GRIK4: variants seen among roughly 807,000 people sequenced by gnomAD.
The protein encoded by GRIK4 is glutamate ionotropic receptor kainate type subunit 4.
A neutral mutation model predicts 104.9 loss-of-function variants in GRIK4; 40 were observed. That is an observed-to-expected ratio of 0.38 (90% confidence interval 0.30 to 0.50). The LOEUF is 0.50. Ranked by LOEUF, GRIK4 falls within the 20% of genes least tolerant of loss-of-function variation. The probability of loss-of-function intolerance (pLI) is 0.93; values close to 1 mark genes in which losing one functional copy is unlikely to be tolerated. For missense variants in GRIK4, 1,047 were observed against 1,308.1 expected (o/e 0.80, Z 3.08); for synonymous variants, 485 against 524.9 (o/e 0.92, Z 1.04).
At chr11:120,573,511 T>A (rs969769232) in intron 1 of GRIK4, among the ~76,000 whole-genome samples, 26 of 152,250 alleles carry the variant, frequency 1.7e-4, no homozygotes, top group Non-Finnish European at 3.4e-4. Flanking sequence ...TCCTTAGCTC[T>A]AGCTTGTGGG....
Position 120,845,200 on chromosome 11 carries a change from G to C in GRIK4, c.744+8356G>C, listed in dbSNP as rs547912919. Among the ~76,000 whole-genome samples the C allele has an allele frequency of 2.0e-5, 3 of 152,302 alleles. No individual in the cohort carries two copies. In the East Asian group the frequency reaches 5.8e-4, roughly 29 times the overall value. ...ATGTTGACACTGAGAATAGAGAAAGGGTTTAATGGAAGCTGCCAGGGCCTC... is the reference window on the plus strand; with the variant it reads ...ATGTTGACACTGAGAATAGAGAAAGCGTTTAATGGAAGCTGCCAGGGCCTC... On this transcript the variant is annotated intron_variant, in intron 8 of 20. Transcript: ENST00000527524.
chr11:120,847,982 A>G (rs535507731), intron 8 of GRIK4, among the ~76,000 whole-genome samples: 44 of 152,350 alleles, frequency 2.9e-4, no homozygotes, highest in African/African-American at 9.9e-4. Context: ...AGTCCTAAAG[A>G]TGGCATAGCC....
At chr11:120,748,196 T>C (rs923308564) in intron 3 of GRIK4, among the ~76,000 whole-genome samples, 2 of 151,872 alleles carry the variant, frequency 1.3e-5, no homozygotes. Flanking sequence ...AACCCTCCTC[T>C]CTCCCTGCGT....
chr11:120,976,342 A>G (rs990994993), intron 19 of GRIK4, among the ~76,000 whole-genome samples: 3 of 152,178 alleles, frequency 2.0e-5, no homozygotes, highest in African/African-American at 7.2e-5. Context: ...TTCTCTCCAG[A>G]ATGTGCTAGG....
intron 19 of GRIK4, 93 bp from the exon 20 acceptor site, chr11:120,982,013 G>A (rs1441365494): frequency 3.4e-6 from 3 of 878,260 alleles, no homozygotes; most frequent in African/African-American, 1.7e-5. Context: ...CCATACTCAA[G>A]TTCTTGTTTG....
chr11:120,771,270 A>T (rs1222870517), intron 3 of GRIK4, among the ~76,000 whole-genome samples: 2 of 152,188 alleles, frequency 1.3e-5, no homozygotes, highest in African/African-American at 2.4e-5. Context: ...ATCCCAATGA[A>T]ATTTCAGGCA....
rs530267740 is a variant in GRIK4 at position 120,830,251 on chromosome 11, CACG to C, written c.512-1600_512-1598del. Among the ~76,000 whole-genome samples, 112 of 151,872 alleles carry C rather than the reference CACG, an allele frequency of 7.4e-4. 3 individuals carry two copies. The highest frequency in any genetic ancestry group is 2.5e-3 in the African/African-American group (105 of 41,374). ...AGCTTCCCTCTCCTAATCCCTGAGA[CACG>C]TGTCTCTGGACCTTCCCAGGCACTG... On this transcript the variant is annotated intron_variant, in intron 6 of 20. Coordinates refer to ENST00000527524, the MANE Select transcript of GRIK4 (RefSeq NM_014619.5).
rs1415511129 is a variant in GRIK4, at chr11:120,801,619, A to C, written c.83-1074A>C. Reference sequence around the variant, plus strand: ...TTGAGTAATATTCCATTGTATGGGTAAACCACATTTTTTTATCTATCAATC... The same window carrying C: ...TTGAGTAATATTCCATTGTATGGGTCAACCACATTTTTTTATCTATCAATC... On this transcript the variant is annotated intron_variant, in intron 3 of 20. Transcript: ENST00000527524. 4.6e-5 allele frequency among the ~76,000 whole-genome samples: 7 copies of C among 152,338 alleles called. No homozygotes were observed. In the East Asian group the frequency reaches 1.3e-3, roughly 29 times the overall value.
chr11:120,679,331 T>G (rs1018067355), intron 3 of GRIK4, among the ~76,000 whole-genome samples: 2 of 152,124 alleles, frequency 1.3e-5, no homozygotes, highest in African/African-American at 2.4e-5. Flanking sequence ...TGGTTAAGCT[T>G]AACTTTTTGA....
At chr11:120,611,452 G>A (rs756255645) in intron 1 of GRIK4, among the ~76,000 whole-genome samples, 1 of 152,222 alleles carries the variant, frequency 6.6e-6, no homozygotes, top group African/African-American at 2.4e-5. Flanking sequence ...ACGTGTGTGT[G>A]TGAAATACCA....
chr11:120,736,517 G>T (rs1008089188), intron 3 of GRIK4, among the ~76,000 whole-genome samples: 2 of 152,086 alleles, frequency 1.3e-5, no homozygotes, highest in African/African-American at 4.8e-5. Context: ...CACTGTTTTG[G>T]TAATCATAAT....
chr11:120,773,744 C>T (rs1951989166), intron 3 of GRIK4, among the ~76,000 whole-genome samples: 1 of 152,134 alleles, frequency 6.6e-6, no homozygotes, highest in South Asian at 2.1e-4. Flanking sequence ...ATAAACTGGG[C>T]TCTGAGTTAG....
chr11:120,622,693 A>C (rs969549002), intron 1 of GRIK4, among the ~76,000 whole-genome samples: 1 of 152,208 alleles, frequency 6.6e-6, no homozygotes, highest in African/African-American at 2.4e-5. Flanking sequence ...ACAATTCTGG[A>C]GGCCAGAAGT....
chr11:120,808,380 T>C (rs1047899318), intron 4 of GRIK4, among the ~76,000 whole-genome samples: 5 of 152,230 alleles, frequency 3.3e-5, no homozygotes, highest in Non-Finnish European at 5.9e-5. Flanking sequence ...ATTCATATAG[T>C]GACTCCTCCC....
In GRIK4 at chr11:120,550,000, A is replaced by C. The variant is rs1215132510; in HGVS notation, c.-159+38113A>C. On this transcript the variant is annotated intron_variant, in intron 1 of 20. Coordinates refer to ENST00000527524, the MANE Select transcript of GRIK4 (RefSeq NM_014619.5). This position sits in a 1 kb window ranked among gnomAD's most constrained non-coding sequence, Gnocchi z 4.7. ...TTGCAAGGGGTTTGGTTCTAAGTGC[A>C]ATGAAAAGCCATTAAAGGAATTTGA... Among the ~76,000 whole-genome samples the C allele has an allele frequency of 6.6e-6, 1 of 152,162 alleles. No homozygotes were observed. The highest frequency in any genetic ancestry group is 2.4e-5 in the African/African-American group (1 of 41,422).
chr11:120,944,424 T>C (rs181053289), intron 14 of GRIK4, among the ~76,000 whole-genome samples: 2 of 152,262 alleles, frequency 1.3e-5, no homozygotes, highest in Admixed American at 1.3e-4. Flanking sequence ...CCAAAAACTG[T>C]GTCACAAGCT....
chr11:120,864,205 T>TTTTTTTTA (rs1555080802), intron 9 of GRIK4, among the ~76,000 whole-genome samples: 5 of 137,720 alleles, frequency 3.6e-5, no homozygotes, highest in African/African-American at 1.3e-4. Context: ...GTATTTTTAT[T>TTTTTTTTA]TTTATTTATT....
chr11:120,656,063 G>C (rs1949705914), intron 2 of GRIK4, among the ~76,000 whole-genome samples: 1 of 152,198 alleles, frequency 6.6e-6, no homozygotes, highest in African/African-American at 2.4e-5. Flanking sequence ...GAGCAACCTG[G>C]TGCTCTAACT....
chr11:120,934,685 AC>A (rs1405758285), intron 13 of GRIK4, among the ~76,000 whole-genome samples: 1 of 152,228 alleles, frequency 6.6e-6, no homozygotes, highest in Non-Finnish European at 1.5e-5. Context: ...CAGAGGCAGA[AC>A]ACAAAGCTCT....
Sources: gnomAD v4.1 joint callset for allele counts (sites outside exome capture counted in the v4.1 genomes callset) on GRCh38, gnomAD v4.1.1 for gene constraint, Gnocchi (gnomAD v3.1) non-coding constraint, MANE v1.5 for transcripts, NCBI Gene and HGNC (gene_info 2026-07-23, HGNC 2026-07-21) for gene names.